Variants in TRHDE observed in about 807,000 individuals in gnomAD.
The protein encoded by TRHDE is thyrotropin releasing hormone degrading enzyme.
TRHDE carries 72 observed loss-of-function variants against 125.7 expected under a neutral mutation model. The ratio of observed to expected loss-of-function variants is 0.57; its 90% CI spans 0.47 to 0.70. The LOEUF (loss-of-function observed/expected upper bound fraction) is 0.70, where lower values mean the gene tolerates loss of function less well. Among genes scored for constraint, TRHDE ranks in the 30% least tolerant of loss-of-function variants. The pLI, the probability that TRHDE is intolerant of heterozygous loss-of-function variation, is 0.00. For missense variants in TRHDE, 1,110 were observed against 1,327.1 expected (o/e 0.84, Z 2.54); for synonymous variants, 509 against 509.1 (o/e 1.00, Z 0.00).
intron 5 of TRHDE, among the ~76,000 whole-genome samples, chr12:72,480,766 T>C (rs900748384): frequency 3.3e-5 from 5 of 152,112 alleles, no homozygotes; most frequent in Admixed American, 6.6e-5. Context: ...TAAGAGCAGT[T>C]TGTAAGCAGA....
intron 2 of TRHDE, among the ~76,000 whole-genome samples, chr12:72,309,279 T>G (rs1244088665): frequency 6.6e-6 from 1 of 152,188 alleles, no homozygotes; most frequent in Non-Finnish European, 1.5e-5. Context: ...GTCTACTCTT[T>G]CAAGCTGTTT....
At chr12:72,518,529 CTG>C (rs1259230502) in intron 6 of TRHDE, among the ~76,000 whole-genome samples, 1 of 152,142 alleles carries the variant, frequency 6.6e-6, no homozygotes, top group African/African-American at 2.4e-5. Context: ...TATTTTGAGC[CTG>C]TGTGTGTCTC....
At chr12:72,539,869 G>C (rs1022710369) in intron 6 of TRHDE, among the ~76,000 whole-genome samples, 1 of 151,796 alleles carries the variant, frequency 6.6e-6, no homozygotes, top group Non-Finnish European at 1.5e-5. Flanking sequence ...TTTTCATAAA[G>C]CTACTCGGGC....
At chr12:72,303,638 A>G (rs1019634598) in intron 2 of TRHDE, among the ~76,000 whole-genome samples, 4 of 152,148 alleles carry the variant, frequency 2.6e-5, no homozygotes, top group Non-Finnish European at 4.4e-5. Context: ...AGCATAGACT[A>G]AAATTTTTCT....
intron 12 of TRHDE, among the ~76,000 whole-genome samples, chr12:72,592,903 C>T (rs1871752687): frequency 1.3e-5 from 2 of 151,934 alleles, no homozygotes; most frequent in African/African-American, 2.4e-5. Flanking sequence ...AGTAGAGACA[C>T]GGTTTTGCCA....
At chr12:72,348,385 C>T (rs997211738) in intron 2 of TRHDE, among the ~76,000 whole-genome samples, 2 of 151,924 alleles carry the variant, frequency 1.3e-5, no homozygotes, top group African/African-American at 4.8e-5. Flanking sequence ...ACTGGTGAGG[C>T]AGTTAATCGC....
rs1229551879 is a variant in TRHDE at position 72,334,849 on chromosome 12, C to G, written c.1189-43146C>G. On this transcript the variant is annotated intron_variant, in intron 2 of 18. Coordinates refer to ENST00000261180, the MANE Select transcript of TRHDE (RefSeq NM_013381.3). ...GGAGGGTGCAATGATTGAGGGCAGT[C>G]CTTCATCCCCGGGTCACGCCAGGCA... Among the ~76,000 whole-genome samples the G allele has an allele frequency of 2.6e-5, 4 of 152,162 alleles. No individual in the cohort carries two copies. The East Asian group carries it at 7.7e-4, about 29-fold the overall frequency.
chr12:72,615,453 C>G (rs1383552220), intron 12 of TRHDE, among the ~76,000 whole-genome samples: 1 of 152,074 alleles, frequency 6.6e-6, no homozygotes, highest in East Asian at 1.9e-4. Context: ...TAGTAGTAAT[C>G]ACAGATATCA....
chr12:72,281,105 G>A (rs1425437442), intron 1 of TRHDE, among the ~76,000 whole-genome samples: 2 of 152,046 alleles, frequency 1.3e-5, no homozygotes, highest in African/African-American at 2.4e-5. Context: ...TTTATAACAC[G>A]ATTATTCACA....
At chr12:72,610,316 T>C (rs189108119) in intron 12 of TRHDE, among the ~76,000 whole-genome samples, 3 of 152,226 alleles carry the variant, frequency 2.0e-5, no homozygotes, top group Non-Finnish European at 4.4e-5. Context: ...TTCTCTGTTT[T>C]TATGTCATTC....
At chr12:72,401,267 C>G (rs1007809159) in intron 3 of TRHDE, among the ~76,000 whole-genome samples, 12 of 152,170 alleles carry the variant, frequency 7.9e-5, no homozygotes, top group African/African-American at 2.9e-4. Context: ...ACAATAATAG[C>G]TAACACCCAC....
Position 72,478,601 on chromosome 12 carries a change from T to G in TRHDE, c.1584+5421T>G, listed in dbSNP as rs530344752. Among the ~76,000 whole-genome samples, 3 of 152,308 alleles carry G rather than the reference T, an allele frequency of 2.0e-5. No individual in the cohort carries two copies. In the South Asian group the frequency reaches 6.2e-4, roughly 32 times the overall value. On this transcript the variant is annotated intron_variant, in intron 5 of 18. Transcript: ENST00000261180. Reference sequence around the variant, plus strand: ...ACGGGAGAAAGGTTTGCTTTTCTCCTGGCATTTGCAGTTAGAGAAGATTTT... The same window carrying G: ...ACGGGAGAAAGGTTTGCTTTTCTCCGGGCATTTGCAGTTAGAGAAGATTTT...
chr12:72,556,422 T>C (rs1456705109), intron 7 of TRHDE, among the ~76,000 whole-genome samples: 1 of 152,190 alleles, frequency 6.6e-6, no homozygotes, highest in Non-Finnish European at 1.5e-5. Flanking sequence ...AATCAAGAGA[T>C]GTAGCCAAGG....
chr12:72,331,922 T>A (rs1358679444), intron 2 of TRHDE, among the ~76,000 whole-genome samples: 1 of 152,220 alleles, frequency 6.6e-6, no homozygotes, highest in Non-Finnish European at 1.5e-5. Context: ...CAAGCTATTC[T>A]TGAGTTGCTA....
intron 9 of TRHDE, 110 bp downstream of exon 9, chr12:72,563,150 T>A (rs1399754068): frequency 4.9e-6 from 4 of 821,658 alleles, no homozygotes; most frequent in Non-Finnish European, 7.4e-6. Context: ...AAGTGAAATA[T>A]AGTTTTTGTT....
At chr12:72,525,640 A>T (rs755639977) in intron 6 of TRHDE, among the ~76,000 whole-genome samples, 17,386 of 126,826 alleles carry the variant, frequency 0.14, 1,008 homozygotes, top group Middle Eastern at 0.24. Context: ...TGTGTGAGAG[A>T]GAGAGAGAGA....
chr12:72,446,059 T>G (rs1443297738), intron 3 of TRHDE, among the ~76,000 whole-genome samples: 2 of 151,904 alleles, frequency 1.3e-5, no homozygotes, highest in African/African-American at 4.8e-5. Context: ...AGACCAGTGC[T>G]TCTCAAATTT....
chr12:72,338,573 C>T (rs542967879), intron 2 of TRHDE, among the ~76,000 whole-genome samples: 8 of 152,186 alleles, frequency 5.3e-5, no homozygotes, highest in East Asian at 1.9e-4. Flanking sequence ...ACTTTGCCCA[C>T]GTCACTTGTT....
chr12:72,631,752 A>C (rs1179805884), intron 15 of TRHDE, among the ~76,000 whole-genome samples: 1 of 151,932 alleles, frequency 6.6e-6, no homozygotes, highest in African/African-American at 2.4e-5. Flanking sequence ...CCAAAATAAA[A>C]TCCATTTTTG....
Sources: allele counts gnomAD v4.1 joint callset (sites outside exome capture counted in the v4.1 genomes callset), GRCh38; gene constraint gnomAD v4.1.1; transcripts MANE v1.5; gene names NCBI Gene and HGNC (gene_info 2026-07-23, HGNC 2026-07-21).